Variants in SDK2 observed in about 807,000 individuals in gnomAD.
SDK2 encodes the protein protein sidekick-2.
A neutral mutation model predicts 253.9 loss-of-function variants in SDK2; 105 were observed. The ratio of observed to expected loss-of-function variants is 0.41; its 90% confidence interval spans 0.35 to 0.49. The LOEUF is 0.49. Among genes scored for constraint, SDK2 ranks in the 20% least tolerant of loss-of-function variants. The pLI is 0.06. For synonymous variants in SDK2, 1,249 were observed against 1,234.9 expected, an observed-to-expected ratio of 1.01 and a Z score of -0.24; for missense variants, 2,608 against 3,003.0, an observed-to-expected ratio of 0.87 and a Z score of 3.07.
At chr17:73,446,975 C>T (rs1017101031) in intron 5 of SDK2, among the ~76,000 whole-genome samples, 2 of 152,164 alleles carry the variant, frequency 1.3e-5, no homozygotes, top group Non-Finnish European at 2.9e-5. Flanking sequence ...GCTGGACAAG[C>T]GTCTCTTTGC....
rs1332180503 is a variant in SDK2 at position 73,612,882 on chromosome 17, A to T, written c.64+31143T>A. On this transcript the variant is annotated intron_variant, in intron 1 of 44. Transcript: ENST00000392650. The surrounding 1 kb of genome is among the most constrained non-coding windows in gnomAD (Gnocchi z 4.4). ...CAGTGAGCCAAGATCGCGCCATTGC[A>T]CTCCAGCCTGGGTGACAGAGCGAGA... Among the ~76,000 whole-genome samples the T allele has an allele frequency of 6.6e-6, 1 of 152,016 alleles. No homozygotes were observed. Among genetic ancestry groups the T allele is most frequent in the Non-Finnish European group, 1.5e-5 (1 of 68,018 alleles).
At chr17:73,483,707 AT>A (rs35288553) in intron 2 of SDK2, among the ~76,000 whole-genome samples, 5,468 of 64,092 alleles carry the variant, frequency 0.085, 330 homozygotes, top group Non-Finnish European at 0.1. Flanking sequence ...ATATATATAT[AT>A]TTTTTTTTTT....
chr17:73,520,490 G>C (rs570668799), intron 1 of SDK2: 1 of 152,218 alleles, frequency 6.6e-6, no homozygotes, highest in South Asian at 2.1e-4. Flanking sequence ...GGAGTAGTGG[G>C]GGGGTGCAAA....
chr17:73,607,170 T>G (rs1305421836), intron 1 of SDK2, among the ~76,000 whole-genome samples: 1 of 152,126 alleles, frequency 6.6e-6, no homozygotes, highest in Non-Finnish European at 1.5e-5. Context: ...GGACAACAAG[T>G]GGTCAAGAGG....
intron 1 of SDK2, among the ~76,000 whole-genome samples, chr17:73,599,920 T>G (rs1028209766): frequency 6.6e-6 from 1 of 152,270 alleles, no homozygotes; most frequent in African/African-American, 2.4e-5. Context: ...ACAGTCACTC[T>G]GTCTCACACA....
In SDK2 at chr17:73,350,220, C is replaced by CT. The variant is rs779319498; in HGVS notation, c.6038+16_6038+17insA. On this transcript the variant is annotated intron_variant, in intron 43 of 44. Transcript: ENST00000392650. Reference sequence around the variant, plus strand: ...ACTGCTGGGCCTGGCCCCCAACCCACGCAGAGGGCCCAGTACCTGGTGTAC... The same window carrying CT: ...ACTGCTGGGCCTGGCCCCCAACCCACTGCAGAGGGCCCAGTACCTGGTGTAC... 7.6e-5 allele frequency: 32 copies of CT among 418,640 alleles called. No homozygotes were observed. The highest frequency in any genetic ancestry group is 1.0e-4 in the Admixed American group (1 of 9,684). 25.9% of individuals were successfully genotyped at this position (418,640 alleles called of 1,614,324 possible).
Position 73,435,768 on chromosome 17 carries a change from A to G in SDK2, c.1001-124T>C. 1 of 861,182 alleles carries G rather than the reference A, an allele frequency of 1.2e-6. No homozygotes were observed. Among genetic ancestry groups the G allele is most frequent in the Non-Finnish European group, 1.7e-6 (1 of 574,392 alleles). 53.3% of individuals were successfully genotyped at this position (861,182 alleles called of 1,614,324 possible). On this transcript the variant is annotated intron_variant, in intron 8 of 44. Transcript: ENST00000392650. This position sits in a 1 kb window ranked among gnomAD's most constrained non-coding sequence, Gnocchi z 5.7. ...GGGTCCCTGGTGAATCTTGGTGTCTAGAACCTTCTCAGAGGTGCCACTTTG... is the reference window on the plus strand; with the variant it reads ...GGGTCCCTGGTGAATCTTGGTGTCTGGAACCTTCTCAGAGGTGCCACTTTG...
rs1052147275 is a variant in SDK2 at position 73,534,886 on chromosome 17, A to G, written c.65-27289T>C. Reference sequence around the variant, plus strand: ...AGGCCTCCTTGTGGGGATACTGGATACTCTGCGATCGGCCGATCAGCCCGC... The same window carrying G: ...AGGCCTCCTTGTGGGGATACTGGATGCTCTGCGATCGGCCGATCAGCCCGC... On this transcript the variant is annotated intron_variant, in intron 1 of 44. Coordinates refer to ENST00000392650, the MANE Select transcript of SDK2 (RefSeq NM_001144952.2). This position sits in a 1 kb window ranked among gnomAD's most constrained non-coding sequence, Gnocchi z 4.9. 2.0e-5 allele frequency among the ~76,000 whole-genome samples: 3 copies of G among 151,936 alleles called. No homozygotes were observed. The highest frequency in any genetic ancestry group is 7.3e-5 in the African/African-American group (3 of 41,334).
chr17:73,619,399 G>A (rs745894446), intron 1 of SDK2, among the ~76,000 whole-genome samples: 6 of 152,190 alleles, frequency 3.9e-5, no homozygotes, highest in Non-Finnish European at 7.3e-5. Context: ...CATAAGGACA[G>A]ACACAGAGAC....
intron 36 of SDK2, among the ~76,000 whole-genome samples, chr17:73,376,010 A>G (rs987016615): frequency 1.3e-5 from 2 of 151,382 alleles, no homozygotes; most frequent in Admixed American, 1.3e-4. Context: ...CCTGGCCAAC[A>G]TGGTGAAACC....
At position 73,424,003 on chromosome 17, in the gene SDK2, T is replaced by C. The variant is rs557484583; in HGVS notation, c.1673A>G (p.Gln558Arg). 3.7e-6 allele frequency: 6 copies of C among 1,612,018 alleles called. No homozygotes were observed. The highest frequency in any genetic ancestry group is 2.2e-5 in the East Asian group (1 of 44,836). The change falls in exon 13 of 45, where the codon CAG (glutamine) becomes CGG (arginine). Residue 558 changes from glutamine (Q) to arginine (R), a missense_variant. By Grantham distance (43) the Gln-to-Arg change is conservative. This residue lies in a region of SDK2 where 1,505 missense variants were observed against 1,859.1 expected (regional missense o/e 0.81). Coordinates refer to ENST00000392650, the MANE Select transcript of SDK2 (RefSeq NM_001144952.2). ...LDRNGSLHIS[Q>R]TWSGDIGTYT... is the part of the protein sequence containing the mutation. The stretch of plus-strand genomic sequence containing the variant: ...CGTGCCGATGTCTCCCGACCACGTC[T>C]GTGAGATGTGCAGGGAGCCGTTTCT...
chr17:73,505,050 G>A (rs928502991), intron 2 of SDK2, among the ~76,000 whole-genome samples: 4 of 142,528 alleles, frequency 2.8e-5, no homozygotes, highest in East Asian at 2.1e-4. Flanking sequence ...TCCCAAGTGC[G>A]CGCTCATCTA....
intron 38 of SDK2, among the ~76,000 whole-genome samples, chr17:73,363,083 TA>T (rs2062654940): frequency 6.6e-6 from 1 of 152,216 alleles, no homozygotes; most frequent in Non-Finnish European, 1.5e-5. Flanking sequence ...CTAAGTGGAT[TA>T]CTAATATTAT....
chr17:73,614,945 A>G (rs1184836106), intron 1 of SDK2, among the ~76,000 whole-genome samples: 2 of 151,260 alleles, frequency 1.3e-5, no homozygotes, highest in African/African-American at 4.9e-5. Context: ...ATATCCAGGT[A>G]ACAAACCCGC....
rs972385338 is a variant in SDK2, at chr17:73,644,025, C to T, written c.64G>A (p.Asp22Asn). Residue 22 changes from aspartate to asparagine, a missense_variant and splice_region_variant, in exon 1 of 45, where the codon GAT (aspartate) becomes AAT (asparagine). Coordinates refer to ENST00000392650, the MANE Select transcript of SDK2 (RefSeq NM_001144952.2). The surrounding 1 kb of genome is among the most constrained non-coding windows in gnomAD (Gnocchi z 6.3). ...TCCCCACGTGGGGGTCCCTCCTTACCTTGGGCTCTGGCCGCGCGGATCTGA... is the reference window on the plus strand; with the variant it reads ...TCCCCACGTGGGGGTCCCTCCTTACTTTGGGCTCTGGCCGCGCGGATCTGA... Reference protein sequence around the residue: ...LHQIRAARAQDDVSPYFKTEP... With the variant: ...LHQIRAARAQNDVSPYFKTEP... The T allele has an allele frequency of 6.5e-7, 1 of 1,549,130 alleles. No homozygotes were observed. The highest frequency in any genetic ancestry group is 1.4e-5 in the African/African-American group (1 of 72,886).
intron 1 of SDK2, among the ~76,000 whole-genome samples, chr17:73,603,129 C>A (rs901882993): frequency 5.9e-5 from 9 of 152,166 alleles, no homozygotes; most frequent in African/African-American, 2.2e-4. Context: ...TGTCTGCAGA[C>A]AGTGTCACAT....
At chr17:73,623,192 ACTAT>A (rs2046155438) in intron 1 of SDK2, among the ~76,000 whole-genome samples, 1 of 152,196 alleles carries the variant, frequency 6.6e-6, no homozygotes, top group Non-Finnish European at 1.5e-5. Flanking sequence ...GCTATAGATA[ACTAT>A]CTGTCAGAAG....
At chr17:73,539,021 C>T (rs377172079) in intron 1 of SDK2, among the ~76,000 whole-genome samples, 6 of 152,232 alleles carry the variant, frequency 3.9e-5, no homozygotes, top group South Asian at 4.2e-4. Context: ...ACATAGTGAG[C>T]CTCCCTCTAA....
At position 73,401,110 on chromosome 17, in the gene SDK2, G is replaced by A. The variant is rs1208052881; in HGVS notation, c.2881C>T (p.Leu961Phe). The A allele has an allele frequency of 4.5e-6, 7 of 1,564,612 alleles. No individual in the cohort carries two copies. Among genetic ancestry groups the A allele is most frequent in the Non-Finnish European group, 6.1e-6 (7 of 1,154,634 alleles). The change falls in exon 21 of 45, where the codon CTC becomes TTC. Residue 961 changes from leucine to phenylalanine, a missense_variant. Physicochemically the swap from Leu to Phe is conservative, Grantham distance 22 (BLOSUM62 0). This residue lies in a region of SDK2 where 1,505 missense variants were observed against 1,859.1 expected (regional missense o/e 0.81). Coordinates refer to ENST00000392650, the MANE Select transcript of SDK2 (RefSeq NM_001144952.2). ...GCCACCTCGATGGTGTAGGTGGTGAGCGCGGTGAGGCCCGTGACACGGTAC... is the reference window on the plus strand; with the variant it reads ...GCCACCTCGATGGTGTAGGTGGTGAACGCGGTGAGGCCCGTGACACGGTAC... The part of the protein sequence containing the change: ...LEYRVTGLTA[L>F]TTYTIEVAAM...
Sources: gnomAD v4.1 joint callset for allele counts (sites outside exome capture counted in the v4.1 genomes callset) on GRCh38, gnomAD v4.1.1 for gene constraint, gnomAD v4.1.1 regional missense constraint, Gnocchi (gnomAD v3.1) non-coding constraint, MANE v1.5 for transcripts, NCBI Gene and HGNC (gene_info 2026-07-23, HGNC 2026-07-21) for gene names.